Variants in LPCAT1 observed in about 807,000 individuals in gnomAD.
LPCAT1 encodes 1-acylglycerol-3-phosphate O-acyltransferase.
Under a neutral mutation model 60.9 loss-of-function variants are expected in LPCAT1, and 23 were observed. The observed-to-expected ratio is 0.38, with a 90% CI of 0.27 to 0.53. LPCAT1 has a LOEUF of 0.53. Ranked by LOEUF, LPCAT1 falls within the 20% of genes least tolerant of loss-of-function variation. LPCAT1 has a pLI of 0.82. For synonymous variants in LPCAT1, 340 were observed against 301.1 expected (o/e 1.13, Z -1.34); for missense variants, 622 against 723.6 (o/e 0.86, Z 1.61).
rs921985865 is a variant in LPCAT1 at position 1,487,899 on chromosome 5, C to T, written c.667+492G>A. On this transcript the variant is annotated intron_variant, in intron 5 of 13. Coordinates refer to ENST00000283415, the MANE Select transcript of LPCAT1 (RefSeq NM_024830.5). The surrounding 1 kb of genome is among the most constrained non-coding windows in gnomAD (Gnocchi z 6.1). ...ACACAATACTAGACCCAGGTAACCGCCGCGGGAGAGACCCAAGTTCACACG... is the reference window on the plus strand; with the variant it reads ...ACACAATACTAGACCCAGGTAACCGTCGCGGGAGAGACCCAAGTTCACACG... 3.9e-5 allele frequency among the ~76,000 whole-genome samples: 6 copies of T among 152,130 alleles called. No homozygotes were observed. The highest frequency in any genetic ancestry group is 7.4e-5 in the Non-Finnish European group (5 of 68,018).
chr5:1,484,975 C>T (rs956399237), intron 5 of LPCAT1, among the ~76,000 whole-genome samples: 1 of 152,198 alleles, frequency 6.6e-6, no homozygotes, highest in African/African-American at 2.4e-5. Flanking sequence ...GACCCAGGCT[C>T]AAGCCCCAGC....
chr5:1,490,221 A>G (rs1046828408), intron 3 of LPCAT1, among the ~76,000 whole-genome samples: 2 of 152,220 alleles, frequency 1.3e-5, no homozygotes, highest in South Asian at 2.1e-4. Flanking sequence ...CCAGGTCCCT[A>G]GATTGGACCC....
intron 2 of LPCAT1, among the ~76,000 whole-genome samples, chr5:1,498,902 T>C (rs1051159670): frequency 6.6e-6 from 1 of 152,042 alleles, no homozygotes; most frequent in Non-Finnish European, 1.5e-5. Flanking sequence ...CACATACATA[T>C]GTATGCACAC....
In LPCAT1 at chr5:1,507,893, GAACTCCACAAAACACAA is replaced by G. The variant is rs565815765; in HGVS notation, c.136-6307_136-6291del. 3.9e-4 allele frequency among the ~76,000 whole-genome samples: 59 copies of G among 152,252 alleles called. 1 individual carries two copies. In the East Asian group the frequency reaches 8.9e-3, roughly 23 times the overall value. ...GATGCAATCAATCAGAAAATGCAGA[GAACTCCACAAAACACAA>G]AACTCCACAAAACACAGCCCAAATC... On this transcript the variant is annotated intron_variant, in intron 1 of 13. Transcript: ENST00000283415.
rs1436899821 is a variant in LPCAT1 at position 1,496,105 on chromosome 5, A to C, written c.279-1191T>G. ...GCCAGGCATGGTGGCTCACGCCTGTAATCACAGCACTTTGGGAGGCCAAGG... is the reference window on the plus strand; with the variant it reads ...GCCAGGCATGGTGGCTCACGCCTGTCATCACAGCACTTTGGGAGGCCAAGG... On this transcript the variant is annotated intron_variant, in intron 2 of 13. Transcript: ENST00000283415. This position sits in a 1 kb window ranked among gnomAD's most constrained non-coding sequence, Gnocchi z 4.7. Among the ~76,000 whole-genome samples the C allele has an allele frequency of 6.6e-6, 1 of 152,232 alleles. No homozygotes were observed. Among genetic ancestry groups the C allele is most frequent in the African/African-American group, 2.4e-5 (1 of 41,460 alleles).
intron 10 of LPCAT1, among the ~76,000 whole-genome samples, chr5:1,474,314 G>A (rs758324319): frequency 7.9e-5 from 12 of 152,208 alleles, no homozygotes; most frequent in African/African-American, 2.2e-4. Context: ...CCTGAGACCC[G>A]TTCCCTTCCC....
At chr5:1,514,812 T>A (rs1232233937) in intron 1 of LPCAT1, among the ~76,000 whole-genome samples, 4 of 151,958 alleles carry the variant, frequency 2.6e-5, no homozygotes, top group African/African-American at 9.7e-5. Context: ...ACCTTCCACC[T>A]CCAGCCAAAA....
At chr5:1,503,735 CTT>C (rs892703304) in intron 1 of LPCAT1, among the ~76,000 whole-genome samples, 1 of 151,040 alleles carries the variant, frequency 6.6e-6, no homozygotes, top group East Asian at 1.9e-4. Context: ...TATAGAGTCC[CTT>C]TTTTTTTGGG....
At chr5:1,466,708 G>C in intron 13 of LPCAT1, 41 bp downstream of exon 13, 2 of 1,582,102 alleles carry the variant, frequency 1.3e-6, no homozygotes, top group Non-Finnish European at 1.7e-6. Context: ...TCCAGCCCCC[G>C]CCCAAGGGTC....
At position 1,463,594 on chromosome 5, in the gene LPCAT1, G is replaced by T; in HGVS notation, c.*57C>A. ...GGAGCCCAGAGGTCACTCGCAAAGA[G>T]GCTCATGGCGGTGATGTCCACGCGG... is the stretch of plus-strand genomic sequence containing the variant. On this transcript the variant is annotated 3_prime_UTR_variant, in exon 14 of 14. Coordinates refer to ENST00000283415, the MANE Select transcript of LPCAT1 (RefSeq NM_024830.5). 1 of 1,583,030 alleles carries T rather than the reference G, an allele frequency of 6.3e-7. No individual in the cohort carries two copies. The highest frequency in any genetic ancestry group is 8.6e-7 in the Non-Finnish European group (1 of 1,159,636).
At position 1,485,102 on chromosome 5, in the gene LPCAT1, G is replaced by A. The variant is rs116238657; in HGVS notation, c.668-1616C>T. ...TGGAGTGCCGAGACCTGCTGTGGGT[G>A]ATAATGGCTCTGCTGCTACAGCTCA... On this transcript the variant is annotated intron_variant, in intron 5 of 13. Transcript: ENST00000283415. 4.6e-3 allele frequency among the ~76,000 whole-genome samples: 703 copies of A among 152,306 alleles called. 6 individuals carry two copies. The highest frequency in any genetic ancestry group is 0.016 in the African/African-American group (664 of 41,572).
At chr5:1,491,514 G>A (rs1735581940) in intron 3 of LPCAT1, among the ~76,000 whole-genome samples, 2 of 152,162 alleles carry the variant, frequency 1.3e-5, no homozygotes, top group Non-Finnish European at 2.9e-5. Context: ...TGCAGGGGGA[G>A]GACTCTGAGT....
intron 1 of LPCAT1, among the ~76,000 whole-genome samples, chr5:1,518,967 G>A (rs1006401484): frequency 1.3e-5 from 2 of 152,270 alleles, no homozygotes; most frequent in Non-Finnish European, 2.9e-5. Flanking sequence ...CAGGAAGCGT[G>A]CAGAGCAGGG....
chr5:1,483,302 C>G lies in LPCAT1; in HGVS notation c.726+126G>C. ...TGAGGCCGGATGGACTCAGCATGGC[C>G]AAGTGTGGGCTGTGGCGCAGATAAA... On this transcript the variant is annotated intron_variant, in intron 6 of 13. Coordinates refer to ENST00000283415, the MANE Select transcript of LPCAT1 (RefSeq NM_024830.5). The surrounding 1 kb of genome is among the most constrained non-coding windows in gnomAD (Gnocchi z 9.2). The G allele has an allele frequency of 9.3e-7, 1 of 1,079,910 alleles. No individual in the cohort carries two copies. Among genetic ancestry groups the G allele is most frequent in the Non-Finnish European group, 1.4e-6 (1 of 703,048 alleles). The allele number at this position is 1,079,910 out of a possible 1,614,324, so 66.9% of individuals were successfully genotyped here.
chr5:1,466,680 G>A, intron 13 of LPCAT1, 69 bp downstream of exon 13: 1 of 1,497,980 alleles, frequency 6.7e-7, no homozygotes, highest in Non-Finnish European at 9.0e-7. Flanking sequence ...CTCCCACGGA[G>A]ACTCGCCCCA....
chr5:1,466,586 G>C (rs143779856), intron 13 of LPCAT1, among the ~76,000 whole-genome samples, 163 bp downstream of exon 13: 65 of 152,320 alleles, frequency 4.3e-4, no homozygotes, highest in Non-Finnish European at 7.2e-4. Flanking sequence ...CAGGTCTCCA[G>C]AACCTTCCTT....
Position 1,476,951 on chromosome 5 carries a change from G to A in LPCAT1, c.899+453C>T, listed in dbSNP as rs539369191. 6.6e-6 allele frequency among the ~76,000 whole-genome samples: 1 copy of A among 152,320 alleles called. No homozygotes were observed. Among genetic ancestry groups the A allele is most frequent in the South Asian group, 2.1e-4 (1 of 4,830 alleles). On this transcript the variant is annotated intron_variant, in intron 9 of 13. Transcript: ENST00000283415. This position sits in a 1 kb window ranked among gnomAD's most constrained non-coding sequence, Gnocchi z 8.6. ...TCCTAACTGCATGCACGACAACTGT[G>A]TAAGCAGCACAAGTCACCTTACAAG...
chr5:1,487,015 C>T lies in LPCAT1; in HGVS notation c.667+1376G>A, dbSNP rs571417472. 4.6e-5 allele frequency among the ~76,000 whole-genome samples: 7 copies of T among 152,234 alleles called. No homozygotes were observed. The South Asian group carries it at 6.2e-4, about 14-fold the overall frequency. On this transcript the variant is annotated intron_variant, in intron 5 of 13. Coordinates refer to ENST00000283415, the MANE Select transcript of LPCAT1 (RefSeq NM_024830.5). This position sits in a 1 kb window ranked among gnomAD's most constrained non-coding sequence, Gnocchi z 6.1. ...GAGAGGTGCTCACACGCCCTCCTCA[C>T]GTCTACACAAGGGCCGCCAGCTCCA...
intron 11 of LPCAT1, among the ~76,000 whole-genome samples, chr5:1,472,697 T>C (rs556574159): frequency 1.3e-5 from 2 of 151,652 alleles, no homozygotes; most frequent in Non-Finnish European, 2.9e-5. Context: ...GTAAAGCGCC[T>C]GAGTGCAAAC....
Sources: allele counts gnomAD v4.1 joint callset (sites outside exome capture counted in the v4.1 genomes callset), GRCh38; gene constraint gnomAD v4.1.1; non-coding constraint Gnocchi (gnomAD v3.1); transcripts MANE v1.5; gene names NCBI Gene and HGNC (gene_info 2026-07-23, HGNC 2026-07-21).